REXO1: variants seen among roughly 807,000 people sequenced by gnomAD.
The protein encoded by REXO1 is REX1, RNA exonuclease 1 homolog.
A neutral mutation model predicts 102.6 loss-of-function variants in REXO1; 42 were observed. The observed-to-expected ratio is 0.41, with a 90% confidence interval of 0.32 to 0.53. REXO1 has a LOEUF of 0.53. Among genes scored for constraint, REXO1 ranks in the 20% least tolerant of loss-of-function variants. REXO1 has a pLI of 0.27. For synonymous variants in REXO1, 908 were observed against 779.1 expected (o/e 1.17, Z -2.76); for missense variants, 1,819 against 1,732.5 (o/e 1.05, Z -0.89).
intron 1 of REXO1, among the ~76,000 whole-genome samples, chr19:1,845,194 CAG>C (rs1464616913): frequency 4.6e-5 from 7 of 152,208 alleles, no homozygotes; most frequent in Non-Finnish European, 5.9e-5. Context: ...GCCCAGGCAG[CAG>C]AGAGCGGCCA....
Position 1,819,042 on chromosome 19 carries a change from T to C in REXO1, c.2740A>G (p.Ser914Gly), listed in dbSNP as rs2069454771. ...CCTTTCAGGTCCTCCACCCGGGGGC[T>C]GCTTGGACGGCTGAGCGAGAAGCTG... ...KTSFSLSRPS[S>G]PRVEDLKGAA... Residue 914 changes from serine (S) to glycine (G), a missense_variant, in exon 8 of 16, where the codon AGC becomes GGC. Physicochemically the swap from Ser to Gly is moderately conservative, Grantham distance 56. Transcript: ENST00000170168. 3 of 1,602,364 alleles carry C rather than the reference T, an allele frequency of 1.9e-6. No individual in the cohort carries two copies. In the Admixed American group the frequency reaches 5.1e-5, roughly 27 times the overall value.
intron 4 of REXO1, chr19:1,822,065 C>T: frequency 4.2e-6 from 2 of 478,162 alleles, no homozygotes; most frequent in Non-Finnish European, 7.3e-6. Context: ...TGCCCTGCGG[C>T]CTCTGTGTTC....
intron 1 of REXO1, among the ~76,000 whole-genome samples, chr19:1,838,773 A>G (rs1042548522): frequency 2.0e-5 from 3 of 151,920 alleles, no homozygotes; most frequent in Non-Finnish European, 4.4e-5. Flanking sequence ...CCCTGCCAAG[A>G]GCCCACCTTG....
chr19:1,825,927 T>G lies in REXO1; in HGVS notation c.1928A>C (p.Lys643Thr). ...ACCCGAAAGCCCCTTCTCCTCACTC[T>G]TCTCTTCCTTGGGGGGCTAAGACAC... Reference protein sequence around the residue: ...RLARQPPKEEKSEEKGLSGLT... With the variant: ...RLARQPPKEETSEEKGLSGLT... Residue 643 changes from lysine (K) to threonine (T), a missense_variant, in exon 3 of 16, where the codon AAG becomes ACG. By Grantham distance (78) the Lys-to-Thr change is moderately conservative. Transcript: ENST00000170168. 1 of 1,599,310 alleles carries G rather than the reference T, an allele frequency of 6.3e-7. No homozygotes were observed. The highest frequency in any genetic ancestry group is 8.5e-7 in the Non-Finnish European group (1 of 1,175,276).
intron 1 of REXO1, among the ~76,000 whole-genome samples, chr19:1,836,963 G>A (rs1175398435): frequency 1.3e-5 from 2 of 152,174 alleles, no homozygotes; most frequent in Non-Finnish European, 2.9e-5. Context: ...GGACAAAAAA[G>A]ATAAGCCTGA....
chr19:1,830,442 G>C (rs2069871714), intron 1 of REXO1, among the ~76,000 whole-genome samples: 1 of 152,262 alleles, frequency 6.6e-6, no homozygotes, highest in African/African-American at 2.4e-5. Context: ...CCAGGGGCTT[G>C]AGGCTGCAGC....
At position 1,823,580 on chromosome 19, in the gene REXO1, AGGCGG is replaced by A; in HGVS notation, c.2217_2221del (p.Arg740GlyfsTer23). 7.6e-7 allele frequency: 1 copy of A among 1,311,726 alleles called. No homozygotes were observed. Among genetic ancestry groups the A allele is most frequent in the East Asian group, 3.0e-5 (1 of 33,062 alleles). 81.3% of individuals were successfully genotyped at this position (1,311,726 alleles called of 1,614,324 possible). ...CCTGGGCCAGGACTCACCTGCAGCC[AGGCGG>A]GGGTTGGGGATGTGGGCGATCCTCC... On this transcript the variant is annotated frameshift_variant, in exon 4 of 16. Transcript: ENST00000170168. LOFTEE classifies it high-confidence loss of function.
rs751664572 is a variant in REXO1 at position 1,828,160 on chromosome 19, C to T, written c.629G>A (p.Arg210Gln). The change falls in exon 2 of 16, where the codon CGG becomes CAG. Residue 210 changes from arginine to glutamine, a missense_variant. Physicochemically the swap from Arg to Gln is conservative, Grantham distance 43 (BLOSUM62 1). Transcript: ENST00000170168. ...EYVPKAVSQPRRHSRPVPSGK... is the reference protein window; with the variant it reads ...EYVPKAVSQPQRHSRPVPSGK... ...ACTGGGAACGGGGCGGCTGTGCCGC[C>T]GGGGCTGGCTCACAGCCTTGGGGAC... 2.2e-5 allele frequency: 35 copies of T among 1,609,548 alleles called. No homozygotes were observed. The highest frequency in any genetic ancestry group is 2.8e-5 in the Non-Finnish European group (33 of 1,179,080).
Position 1,819,139 on chromosome 19 carries a change from GA to G in REXO1, c.2651-9del. The G allele has an allele frequency of 6.4e-7, 1 of 1,555,342 alleles. No individual in the cohort carries two copies. The highest frequency in any genetic ancestry group is 8.7e-7 in the Non-Finnish European group (1 of 1,146,934). On this transcript the variant is annotated splice_polypyrimidine_tract_variant and intron_variant, in intron 7 of 15. Coordinates refer to ENST00000170168, the MANE Select transcript of REXO1 (RefSeq NM_020695.4). ...CCCTGCGGCCACTGGTTTCTGGAAG[GA>G]AGGGAGGGAGGGGAGGAGGGTGTGA...
intron 1 of REXO1, among the ~76,000 whole-genome samples, chr19:1,830,325 ACAC>A (rs2069868848): frequency 6.6e-6 from 1 of 152,178 alleles, no homozygotes. Flanking sequence ...AGCCTGGATG[ACAC>A]AGATCCCATC....
intron 4 of REXO1, chr19:1,822,085 C>T (rs1291821298): frequency 4.5e-6 from 2 of 444,022 alleles, no homozygotes; most frequent in Non-Finnish European, 7.8e-6. Flanking sequence ...CTGCCTTGCC[C>T]TTTGATGAAG....
Position 1,816,478 on chromosome 19 carries a change from T to C in REXO1, c.3409A>G (p.Thr1137Ala), listed in dbSNP as rs1445435392. Residue 1137 changes from threonine (T) to alanine (A), a missense_variant, in exon 14 of 16, where the codon ACC (threonine) becomes GCC (alanine). Coordinates refer to ENST00000170168, the MANE Select transcript of REXO1 (RefSeq NM_020695.4). Reference sequence around the variant, plus strand: ...TCCAGGCTGTGTCCGATGAGGATGGTGTCAGCGCTGAACATGCTCAGCAGA... The same window carrying C: ...TCCAGGCTGTGTCCGATGAGGATGGCGTCAGCGCTGAACATGCTCAGCAGA... ...AVLLSMFSAD[T>A]ILIGHSLESD... 1 of 1,612,380 alleles carries C rather than the reference T, an allele frequency of 6.2e-7. No individual in the cohort carries two copies. The highest frequency in any genetic ancestry group is 1.1e-5 in the South Asian group (1 of 91,074).
At position 1,817,135 on chromosome 19, in the gene REXO1, CCCAGATGGGG is replaced by C. The variant is rs371332447; in HGVS notation, c.3201+74_3201+83del. ...CCTGAGCGCTGGCCGGTGAGCCAGG[CCCAGATGGGG>C]CCAGATGGGGCGGCCGCACCAGGCC... On this transcript the variant is annotated intron_variant, in intron 12 of 15. Transcript: ENST00000170168. 14 of 1,442,170 alleles carry C rather than the reference CCCAGATGGGG, an allele frequency of 9.7e-6. No homozygotes were observed. In the East Asian group the frequency reaches 1.2e-4, roughly 12 times the overall value. 89.3% of individuals were successfully genotyped at this position (1,442,170 alleles called of 1,614,324 possible). A position where few individuals can be genotyped will look rare whatever the true frequency, so the allele number is the denominator to read the frequency against.
At chr19:1,821,935 G>A (rs1444925379) in intron 4 of REXO1, 1 of 564,098 alleles carries the variant, frequency 1.8e-6, no homozygotes, top group Non-Finnish European at 3.1e-6. Context: ...GGGTGGTCCA[G>A]GCCTCTGCCA....
chr19:1,819,956 G>A lies in REXO1; in HGVS notation c.2628C>T (p.Pro876=), dbSNP rs771467615. The A allele has an allele frequency of 1.3e-6, 2 of 1,587,560 alleles. No individual in the cohort carries two copies. The highest frequency in any genetic ancestry group is 4.5e-5 in the East Asian group (2 of 44,230). Residue 876 remains proline, a synonymous_variant, in exon 7 of 16, where the codon CCC becomes CCT. Coordinates refer to ENST00000170168, the MANE Select transcript of REXO1 (RefSeq NM_020695.4). ...CACTGCTGAGGCCGGGCACAGCGCT[G>A]GGGGCCAGGCCCCTGAGCTTCTTGA... ...NTLKKLRGLA[P]SAVPGLSKTS...
Position 1,828,164 on chromosome 19 carries a change from G to T in REXO1, c.625C>A (p.Pro209Thr), listed in dbSNP as rs1283162944. ...LEYVPKAVSQ[P>T]RRHSRPVPSG... ...GGAACGGGGCGGCTGTGCCGCCGGGGCTGGCTCACAGCCTTGGGGACGTAT... is the reference window on the plus strand; with the variant it reads ...GGAACGGGGCGGCTGTGCCGCCGGGTCTGGCTCACAGCCTTGGGGACGTAT... Residue 209 changes from proline to threonine, a missense_variant, in exon 2 of 16, where the codon CCC (proline) becomes ACC (threonine). Pro to Thr is a conservative substitution (Grantham distance 38). Transcript: ENST00000170168. 9 of 1,609,910 alleles carry T rather than the reference G, an allele frequency of 5.6e-6. No individual in the cohort carries two copies. Among genetic ancestry groups the T allele is most frequent in the South Asian group, 1.1e-5 (1 of 90,668 alleles).
intron 1 of REXO1, among the ~76,000 whole-genome samples, chr19:1,839,743 C>T (rs952584616): frequency 6.6e-6 from 1 of 152,262 alleles, no homozygotes; most frequent in African/African-American, 2.4e-5. Flanking sequence ...TCCACTTCCC[C>T]AAAGTCCACT....
Position 1,821,522 on chromosome 19 carries a change from T to G in REXO1, c.2391A>C (p.Leu797Phe), listed in dbSNP as rs2069540294. 2 of 1,613,376 alleles carry G rather than the reference T, an allele frequency of 1.2e-6. No individual in the cohort carries two copies. Among genetic ancestry groups the G allele is most frequent in the Non-Finnish European group, 1.7e-6 (2 of 1,179,710 alleles). ...IPKRIAHSPS[L>F]QSLKKPIIPK... ...TGGCCGAGATGGGAGGGGCTACCTGTAAGGATGGACTGTGGGCGATTCGCT... is the reference window on the plus strand; with the variant it reads ...TGGCCGAGATGGGAGGGGCTACCTGGAAGGATGGACTGTGGGCGATTCGCT... The change falls in exon 5 of 16, where the codon TTA (leucine) becomes TTC (phenylalanine). Residue 797 changes from leucine to phenylalanine, a missense_variant. Transcript: ENST00000170168.
intron 1 of REXO1, among the ~76,000 whole-genome samples, chr19:1,832,614 A>G (rs1234503694): frequency 6.6e-6 from 1 of 150,984 alleles, no homozygotes; most frequent in Admixed American, 6.6e-5. Context: ...CTGTCATCCC[A>G]GCACGGTGGC....
Sources: allele counts gnomAD v4.1 joint callset (sites outside exome capture counted in the v4.1 genomes callset), GRCh38; gene constraint gnomAD v4.1.1; transcripts MANE v1.5; gene names NCBI Gene and HGNC (gene_info 2026-07-23, HGNC 2026-07-21).